Variants in HMGXB3 observed in about 807,000 individuals in gnomAD.
HMGXB3 encodes HMG domain-containing protein 3.
In HMGXB3, 45 loss-of-function variants were observed where a neutral mutation model predicts 121.5. The ratio of observed to expected loss-of-function variants is 0.37; its 90% confidence interval spans 0.29 to 0.47. The LOEUF is 0.47. Among genes scored for constraint, HMGXB3 ranks in the 20% least tolerant of loss-of-function variants. The pLI, the probability that HMGXB3 is intolerant of heterozygous loss-of-function variation, is 0.99. For synonymous variants in HMGXB3, 590 were observed against 624.1 expected (o/e 0.95, Z 0.81); for missense variants, 1,376 against 1,602.2 (o/e 0.86, Z 2.41).
At chr5:150,019,128 T>C (rs936163076) in intron 6 of HMGXB3, among the ~76,000 whole-genome samples, 1 of 152,182 alleles carries the variant, frequency 6.6e-6, no homozygotes, top group African/African-American at 2.4e-5. Flanking sequence ...CTTTCTGTTT[T>C]TTCGTGGATA....
chr5:150,051,858 G>C lies in HMGXB3; in HGVS notation c.3545G>C (p.Gly1182Ala), dbSNP rs201643282. 4 of 1,550,814 alleles carry C rather than the reference G, an allele frequency of 2.6e-6. No homozygotes were observed. The highest frequency in any genetic ancestry group is 3.5e-6 in the Non-Finnish European group (4 of 1,147,092). The change falls in exon 20 of 20, where the codon GGT becomes GCT. Residue 1182 changes from glycine (G) to alanine (A), a missense_variant. Coordinates refer to ENST00000502717, the MANE Select transcript of HMGXB3 (RefSeq NM_014983.3). ...IVHAGLQPNPGDPSAGHHSLA... is the reference protein window; with the variant it reads ...IVHAGLQPNPADPSAGHHSLA... ...CATGCAGGCCTACAGCCCAATCCTG[G>C]TGACCCCAGTGCTGGGCACCACTCC...
intron 19 of HMGXB3, among the ~76,000 whole-genome samples, chr5:150,051,167 G>T (rs1434018574): frequency 6.6e-6 from 1 of 152,202 alleles, no homozygotes; most frequent in Non-Finnish European, 1.5e-5. Flanking sequence ...TTGTCTCTGT[G>T]TCTTGGTATA....
intron 13 of HMGXB3, among the ~76,000 whole-genome samples, chr5:150,038,548 A>T (rs922614837): frequency 1.3e-5 from 2 of 152,226 alleles, no homozygotes; most frequent in African/African-American, 2.4e-5. Context: ...CACAATCAAT[A>T]TATAGAACAG....
chr5:150,014,157 C>A (rs533347995), intron 5 of HMGXB3, among the ~76,000 whole-genome samples: 63 of 152,226 alleles, frequency 4.1e-4, no homozygotes, highest in Admixed American at 2.1e-3. Flanking sequence ...GGTGGCTGCT[C>A]CCTCTACTAA....
chr5:150,042,042 T>C, intron 15 of HMGXB3, 73 bp downstream of exon 15: 1 of 1,273,776 alleles, frequency 7.9e-7, no homozygotes, highest in East Asian at 2.5e-5. Flanking sequence ...CTATATGATA[T>C]CCCCAGGGGG....
chr5:150,048,711 G>A, intron 18 of HMGXB3, 26 bp downstream of exon 18: 1 of 1,462,474 alleles, frequency 6.8e-7, no homozygotes, highest in South Asian at 1.2e-5. Flanking sequence ...GGGGGAGCTT[G>A]GAGTGAATTT....
chr5:150,036,970 C>A, intron 12 of HMGXB3, 33 bp downstream of exon 12: 1 of 1,518,022 alleles, frequency 6.6e-7, no homozygotes, highest in Non-Finnish European at 8.9e-7. Flanking sequence ...CCTAGCTACC[C>A]CATCCCATTT....
chr5:150,021,789 C>T (rs1484605941), intron 6 of HMGXB3: 1 of 505,734 alleles, frequency 2.0e-6, no homozygotes, highest in African/African-American at 1.9e-5. Context: ...AGATTCTTTT[C>T]CTTTGCTCCT....
intron 9 of HMGXB3, among the ~76,000 whole-genome samples, chr5:150,029,588 C>CT (rs750642720): frequency 3.3e-5 from 5 of 151,582 alleles, no homozygotes; most frequent in Non-Finnish European, 7.4e-5. Context: ...TATGCAGTCA[C>CT]TTTTTTTTTC....
At chr5:150,048,094 G>A (rs545904980) in intron 17 of HMGXB3, among the ~76,000 whole-genome samples, 3 of 152,318 alleles carry the variant, frequency 2.0e-5, no homozygotes, top group Non-Finnish European at 4.4e-5. Flanking sequence ...CTAACCTTGT[G>A]AGATTGTTGT....
At chr5:150,003,273 A>G (rs1294578316) in intron 1 of HMGXB3, among the ~76,000 whole-genome samples, 1 of 152,236 alleles carries the variant, frequency 6.6e-6, no homozygotes, top group African/African-American at 2.4e-5. Context: ...CATTTCCATC[A>G]TCAGAGTTTA....
chr5:150,005,073 C>A, intron 2 of HMGXB3, 84 bp downstream of exon 2: 1 of 1,467,302 alleles, frequency 6.8e-7, no homozygotes, highest in Non-Finnish European at 9.0e-7. Context: ...TTTTAAGACT[C>A]TTTGAAAAAG....
At position 150,050,478 on chromosome 5, in the gene HMGXB3, G is replaced by T; in HGVS notation, c.3411+17G>T. 6.5e-7 allele frequency: 1 copy of T among 1,532,828 alleles called. No individual in the cohort carries two copies. The allele number at this position is 1,532,828 out of a possible 1,614,324, so 95.0% of individuals were successfully genotyped here. ...CCACCTGTGGTGAGTCACCTCCTGAGGAACTGCCATGTCTCCTCAAGCCTA... is the reference window on the plus strand; with the variant it reads ...CCACCTGTGGTGAGTCACCTCCTGATGAACTGCCATGTCTCCTCAAGCCTA... On this transcript the variant is annotated intron_variant, in intron 19 of 19. Transcript: ENST00000502717.
At chr5:150,051,493 A>G (rs1242905317) in intron 19 of HMGXB3, among the ~76,000 whole-genome samples, 1 of 152,174 alleles carries the variant, frequency 6.6e-6, no homozygotes, top group Non-Finnish European at 1.5e-5. Flanking sequence ...GACCGGGGGC[A>G]ATAATAGCAT....
At chr5:150,049,401 G>A (rs1026688058) in intron 18 of HMGXB3, among the ~76,000 whole-genome samples, 13 of 116,150 alleles carry the variant, frequency 1.1e-4, no homozygotes, top group African/African-American at 3.1e-4. Flanking sequence ...GGTAGATCTT[G>A]GAACGGAAAC....
rs377424051 is a variant in HMGXB3, at chr5:150,040,847, A to C, written c.2513A>C (p.Asn838Thr). 51 of 1,551,126 alleles carry C rather than the reference A, an allele frequency of 3.3e-5. 2 individuals are homozygous for C. The South Asian group carries it at 6.0e-4, about 18-fold the overall frequency. The change falls in exon 14 of 20, where the codon AAT becomes ACT. Residue 838 changes from asparagine (N) to threonine (T), a missense_variant. Asn to Thr is a moderately conservative substitution (Grantham distance 65). Transcript: ENST00000502717. Reference sequence around the variant, plus strand: ...GGAGAGGACCCCAGAGTGTCCATCAATGTTGTTCTGAAGTCGGTGCAGGAG... The same window carrying C: ...GGAGAGGACCCCAGAGTGTCCATCACTGTTGTTCTGAAGTCGGTGCAGGAG... ...KLGEDPRVSI[N>T]VVLKSVQEQT... is the part of the protein sequence containing the mutation.
chr5:150,008,307 A>C (rs1755755994), intron 3 of HMGXB3, among the ~76,000 whole-genome samples: 1 of 151,192 alleles, frequency 6.6e-6, no homozygotes. Context: ...TTCTGATAAT[A>C]GCTGAGTGAC....
At chr5:150,021,944 G>T (rs771858542) in intron 6 of HMGXB3, 1 of 467,888 alleles carries the variant, frequency 2.1e-6, no homozygotes, top group Admixed American at 2.2e-5. Context: ...CTTCCTGACC[G>T]ACTTGTTCCT....
intron 17 of HMGXB3, 68 bp downstream of exon 17, chr5:150,047,825 C>T: frequency 1.3e-6 from 2 of 1,498,772 alleles, no homozygotes; most frequent in South Asian, 1.2e-5. Context: ...CTTTTTAGGT[C>T]AGGGATATGA....
Sources: gnomAD v4.1 joint callset for allele counts (sites outside exome capture counted in the v4.1 genomes callset) on GRCh38, gnomAD v4.1.1 for gene constraint, MANE v1.5 for transcripts, NCBI Gene and HGNC (gene_info 2026-07-23, HGNC 2026-07-21) for gene names.